B4GALT6: variants seen among roughly 807,000 people sequenced by gnomAD.
The protein encoded by B4GALT6 is beta-1,4-galactosyltransferase 6, also known as UDP-Gal:beta-GlcNAc beta-1,4-galactosyltransferase 6.
In B4GALT6, 14 loss-of-function variants were observed where a neutral mutation model predicts 46.3. The observed-to-expected ratio is 0.30, with a 90% CI of 0.20 to 0.47. The LOEUF is 0.47. B4GALT6 is among the 20% of genes least tolerant of loss of function. The pLI is 0.99. For missense variants in B4GALT6, 386 were observed against 480.1 expected (o/e 0.80, Z 1.83); for synonymous variants, 168 against 162.0 (o/e 1.04, Z -0.28).
upstream of B4GALT6, among the ~76,000 whole-genome samples, chr18:31,688,452 C>G (rs2030005604): frequency 6.6e-6 from 1 of 151,406 alleles, no homozygotes; most frequent in Non-Finnish European, 1.5e-5. Flanking sequence ...ACTTTAAAGC[C>G]AAATTTTAAT....
At chr18:31,675,825 A>T (rs926169576) in intron 1 of B4GALT6, among the ~76,000 whole-genome samples, 1 of 152,200 alleles carries the variant, frequency 6.6e-6, no homozygotes, top group East Asian at 1.9e-4. Flanking sequence ...GTCAGAGTAT[A>T]TAAGTGTACA....
chr18:31,657,923 G>C, intron 3 of B4GALT6, 53 bp downstream of exon 3: 1 of 1,425,094 alleles, frequency 7.0e-7, no homozygotes, highest in Non-Finnish European at 9.9e-7. Flanking sequence ...TGGTTTTTAT[G>C]ACTGTATTGT....
intron 1 of B4GALT6, among the ~76,000 whole-genome samples, chr18:31,671,783 C>T (rs980616984): frequency 1.2e-4 from 19 of 152,272 alleles, no homozygotes; most frequent in African/African-American, 4.3e-4. Context: ...CCTACCACTG[C>T]TTAATTAAAA....
chr18:31,704,320 T>C, the B4GALT6 span, among the ~76,000 whole-genome samples: 1 of 151,884 alleles, frequency 6.6e-6, no homozygotes, highest in Non-Finnish European at 1.5e-5. Flanking sequence ...GCGATTCTCC[T>C]GCCTCAGCCT....
At chr18:31,629,447 ATTTTTTTTTTTTTT>A (rs869030382) in intron 6 of B4GALT6, among the ~76,000 whole-genome samples, 273 of 32,874 alleles carry the variant, frequency 8.3e-3, no homozygotes, top group Middle Eastern at 0.023. Flanking sequence ...GCCCTTTATG[ATTTTTTTTTTTTTT>A]TTTTTTTTTT....
chr18:31,682,233 T>C (rs2074488055), intron 1 of B4GALT6, among the ~76,000 whole-genome samples: 1 of 152,168 alleles, frequency 6.6e-6, no homozygotes, highest in South Asian at 2.1e-4. Flanking sequence ...ATTCAAACTT[T>C]CAAGCGAAAA....
intron 1 of B4GALT6, among the ~76,000 whole-genome samples, chr18:31,676,773 C>T (rs978333593): frequency 6.6e-6 from 1 of 152,142 alleles, no homozygotes; most frequent in Admixed American, 6.5e-5. Context: ...TCAGAAACAT[C>T]GCTCCCAGTG....
In B4GALT6 at chr18:31,684,351, A is replaced by G; in HGVS notation, c.76T>C (p.Ser26Pro). The stretch of plus-strand genomic sequence containing the variant: ...ACATAGATGAAGTACAGACAGGACG[A>G]AGAGAGGGAGAAGAAGAAGATGAAG... ...LAFIFFFSLS[S>P]SCLYFIYVAP... The change falls in exon 1 of 9, where the codon TCG (serine) becomes CCG (proline). Residue 26 changes from serine to proline, a missense_variant. Transcript: ENST00000306851. The G allele has an allele frequency of 6.2e-7, 1 of 1,613,912 alleles. No homozygotes were observed.
chr18:31,659,068 A>G (rs2074178773), intron 2 of B4GALT6, among the ~76,000 whole-genome samples: 1 of 152,176 alleles, frequency 6.6e-6, no homozygotes, highest in African/African-American at 2.4e-5. Flanking sequence ...TGACATCAAC[A>G]TGCAATGAGT....
At chr18:31,632,857 T>C (rs1035302160) in intron 5 of B4GALT6, among the ~76,000 whole-genome samples, 2 of 152,204 alleles carry the variant, frequency 1.3e-5, no homozygotes, top group South Asian at 2.1e-4. Context: ...GATGTAATCA[T>C]TCAAACACAT....
At chr18:31,664,101 A>T (rs941682279) in intron 2 of B4GALT6, among the ~76,000 whole-genome samples, 1 of 152,190 alleles carries the variant, frequency 6.6e-6, no homozygotes, top group African/African-American at 2.4e-5. Context: ...TCCAGAAAAG[A>T]GGTACCTTAT....
At chr18:31,630,310 T>G (rs2144502942) in intron 6 of B4GALT6, among the ~76,000 whole-genome samples, 1 of 152,296 alleles carries the variant, frequency 6.6e-6, no homozygotes, top group Middle Eastern at 3.4e-3. Flanking sequence ...ACTGTGATCC[T>G]TTTCCCATAT....
chr18:31,648,711 T>C (rs902717364), intron 3 of B4GALT6, among the ~76,000 whole-genome samples: 2 of 152,138 alleles, frequency 1.3e-5, no homozygotes. Context: ...GATTTAGGAT[T>C]TTACTTTTTC....
chr18:31,650,829 C>T lies in B4GALT6; in HGVS notation c.347-5350G>A, dbSNP rs1023308183. Among the ~76,000 whole-genome samples, 8 of 152,152 alleles carry T rather than the reference C, an allele frequency of 5.3e-5. No individual in the cohort carries two copies. The South Asian group carries it at 6.2e-4, about 12-fold the overall frequency. The stretch of plus-strand genomic sequence containing the variant: ...TGTCACCCAGGCTGGAGTGCAGTGG[C>T]GCCATCTCGGCTCACTACAAGCTCC... On this transcript the variant is annotated intron_variant, in intron 3 of 8. Transcript: ENST00000306851.
chr18:31,626,267 A>G lies in B4GALT6; in HGVS notation c.1001+16T>C. Reference sequence around the variant, plus strand: ...GCTTTGGAAACCTTGGTATCTGAAGATGACATTCAACTTACCGTCCTAAAA... The same window carrying G: ...GCTTTGGAAACCTTGGTATCTGAAGGTGACATTCAACTTACCGTCCTAAAA... On this transcript the variant is annotated intron_variant, in intron 8 of 8. Transcript: ENST00000306851. 7.0e-7 allele frequency: 1 copy of G among 1,435,886 alleles called. No homozygotes were observed. The highest frequency in any genetic ancestry group is 9.6e-7 in the Non-Finnish European group (1 of 1,040,152). 88.9% of individuals were successfully genotyped at this position (1,435,886 alleles called of 1,614,324 possible).
At chr18:31,673,833 T>C (rs1555640959) in intron 1 of B4GALT6, among the ~76,000 whole-genome samples, 1 of 152,134 alleles carries the variant, frequency 6.6e-6, no homozygotes, top group Non-Finnish European at 1.5e-5. Context: ...GATTCTGAGA[T>C]GAGGAGATCA....
intron 5 of B4GALT6, among the ~76,000 whole-genome samples, chr18:31,636,801 CT>C (rs1309595319): frequency 1.3e-5 from 2 of 152,122 alleles, no homozygotes; most frequent in African/African-American, 2.4e-5. Context: ...AAATTAAATT[CT>C]TTTTTTCAAT....
the B4GALT6 span, among the ~76,000 whole-genome samples, chr18:31,710,756 G>A: frequency 2.0e-5 from 3 of 147,142 alleles, no homozygotes; most frequent in East Asian, 4.1e-4. Flanking sequence ...AAAAACTAAC[G>A]CACCTTTTTA....
At chr18:31,713,727 G>A in the B4GALT6 span, among the ~76,000 whole-genome samples, 28 of 152,240 alleles carry the variant, frequency 1.8e-4, no homozygotes, top group African/African-American at 6.3e-4. Context: ...AGATGAAACC[G>A]AATTTTTTTC....
Sources: gnomAD v4.1 joint callset for allele counts (sites outside exome capture counted in the v4.1 genomes callset) on GRCh38, gnomAD v4.1.1 for gene constraint, MANE v1.5 for transcripts, NCBI Gene and HGNC (gene_info 2026-07-23, HGNC 2026-07-21) for gene names.